The following SPMIP11 variants were observed in gnomAD, a reference collection of about 807,000 sequenced individuals.
SPMIP11 encodes the protein sperm microtubule inner protein 11, also known as long intergenic non-protein coding RNA 935.
At chr12:48,736,413 C>CAAAA in the SPMIP11 span, among the ~76,000 whole-genome samples, 2 of 71,826 alleles carry the variant, frequency 2.8e-5, no homozygotes, top group African/African-American at 5.3e-5. Flanking sequence ...GACTCTGTCT[C>CAAAA]AAAAAAAAAA....
chr12:48,757,702 A>G, the SPMIP11 span, among the ~76,000 whole-genome samples: 2 of 150,200 alleles, frequency 1.3e-5, no homozygotes, highest in African/African-American at 2.4e-5. Flanking sequence ...ATATATATGT[A>G]TATATATGGG....
the SPMIP11 span, among the ~76,000 whole-genome samples, chr12:48,730,703 C>T: frequency 2.0e-5 from 3 of 152,036 alleles, no homozygotes; most frequent in South Asian, 2.1e-4. Flanking sequence ...TTTGGGAGGC[C>T]GAGGCGGGTG....
the SPMIP11 span, chr12:48,766,697 G>A: frequency 6.6e-6 from 1 of 152,632 alleles, no homozygotes; most frequent in Non-Finnish European, 1.5e-5. Flanking sequence ...GGCCTCCACA[G>A]GGAGCTGGTG....
At chr12:48,761,408 A>G in the SPMIP11 span, among the ~76,000 whole-genome samples, 5 of 150,050 alleles carry the variant, frequency 3.3e-5, no homozygotes, top group African/African-American at 7.4e-5. Flanking sequence ...CTGAGATGGC[A>G]CCATTGCACT....
At chr12:48,768,820 T>C in the SPMIP11 span, 1 of 1,552,992 alleles carries the variant, frequency 6.4e-7, no homozygotes, top group Non-Finnish European at 8.7e-7. Context: ...CCCCAGTCCC[T>C]GCCCCACCAT....
the SPMIP11 span, among the ~76,000 whole-genome samples, chr12:48,750,777 A>G: frequency 6.6e-6 from 1 of 152,180 alleles, no homozygotes; most frequent in African/African-American, 2.4e-5. Flanking sequence ...CTTTTCCACA[A>G]GCTAAACAAT....
the SPMIP11 span, among the ~76,000 whole-genome samples, chr12:48,737,072 C>G: frequency 3.9e-5 from 6 of 152,002 alleles, no homozygotes; most frequent in Non-Finnish European, 7.4e-5. Flanking sequence ...ACCTCAGCCT[C>G]CTTAGTGGCT....
chr12:48,770,791 G>A, the SPMIP11 span: 1 of 1,614,168 alleles, frequency 6.2e-7, no homozygotes, highest in Non-Finnish European at 8.5e-7. Flanking sequence ...AATTGTTGAA[G>A]GAGTGCTCAT....
At chr12:48,758,989 G>A in the SPMIP11 span, among the ~76,000 whole-genome samples, 1 of 152,152 alleles carries the variant, frequency 6.6e-6, no homozygotes, top group Non-Finnish European at 1.5e-5. Context: ...CAGGAGTCAG[G>A]GAGAAGCAAG....
At chr12:48,757,449 C>T in the SPMIP11 span, among the ~76,000 whole-genome samples, 1 of 151,238 alleles carries the variant, frequency 6.6e-6, no homozygotes, top group Non-Finnish European at 1.5e-5. Context: ...AGTTGGAGAC[C>T]AGCCTGGCCA....
the SPMIP11 span, chr12:48,759,224 A>G: frequency 2.8e-6 from 2 of 702,864 alleles, no homozygotes; most frequent in African/African-American, 1.7e-5. Flanking sequence ...AAGGAACCAG[A>G]GCCTACTAGG....
chr12:48,742,277 C>CTTTTTTTTTTTTTTTTTTTTTT, the SPMIP11 span, among the ~76,000 whole-genome samples: 15 of 87,222 alleles, frequency 1.7e-4, 3 homozygotes, highest in East Asian at 6.5e-4. Flanking sequence ...CTTTTCTTTT[C>CTTTTTTTTTTTTTTTTTTTTTT]CTTTTTTTTT....
At chr12:48,761,101 G>A in the SPMIP11 span, among the ~76,000 whole-genome samples, 1 of 152,042 alleles carries the variant, frequency 6.6e-6, no homozygotes, top group Non-Finnish European at 1.5e-5. Context: ...GAGAGAACAT[G>A]TACATTTTAA....
the SPMIP11 span, among the ~76,000 whole-genome samples, chr12:48,739,365 C>T: frequency 3.9e-5 from 6 of 152,134 alleles, no homozygotes; most frequent in African/African-American, 7.2e-5. Flanking sequence ...TATCTACTAG[C>T]ATGCTGCAGC....
the SPMIP11 span, among the ~76,000 whole-genome samples, chr12:48,765,300 C>T: frequency 6.6e-6 from 1 of 152,222 alleles, no homozygotes; most frequent in Non-Finnish European, 1.5e-5. Context: ...AAATCACCAT[C>T]CATTGGCAGT....
the SPMIP11 span, chr12:48,770,968 A>C: frequency 1.2e-6 from 2 of 1,613,874 alleles, no homozygotes; most frequent in Non-Finnish European, 1.7e-6. Context: ...CCTCGCTGAT[A>C]ATCTGAACAA....
chr12:48,744,836 GA>G, the SPMIP11 span, among the ~76,000 whole-genome samples: 2 of 149,122 alleles, frequency 1.3e-5, no homozygotes, highest in African/African-American at 2.5e-5. Flanking sequence ...GAAAGAAGAA[GA>G]AAAAAAGAAG....
At chr12:48,765,580 ATCTC>A in the SPMIP11 span, 1 of 702,816 alleles carries the variant, frequency 1.4e-6, no homozygotes, top group South Asian at 1.5e-5. Flanking sequence ...GCCTGGCTGA[ATCTC>A]TCTCTGAATC....
the SPMIP11 span, chr12:48,759,133 T>G: frequency 5.3e-3 from 3,637 of 686,636 alleles, 96 homozygotes; most frequent in African/African-American, 0.055. Flanking sequence ...TGCATCTGGT[T>G]AGCATGGAGA....
Sources: allele counts gnomAD v4.1 joint callset (sites outside exome capture counted in the v4.1 genomes callset), GRCh38; gene constraint gnomAD v4.1.1; transcripts MANE v1.5; gene names NCBI Gene and HGNC (gene_info 2026-07-23, HGNC 2026-07-21).